The following ANKS1B variants were observed in gnomAD, a reference collection of about 807,000 sequenced individuals.
ANKS1B encodes the protein ankyrin repeat and sterile alpha motif domain-containing protein 1B.
In ANKS1B, 36 loss-of-function variants were observed where a neutral mutation model predicts 148.3. The observed-to-expected ratio is 0.24, with a 90% CI of 0.19 to 0.32. ANKS1B has a LOEUF of 0.32. Among genes scored for constraint, ANKS1B ranks in the 10% least tolerant of loss-of-function variants. ANKS1B has a pLI of 1.00. For missense variants in ANKS1B, 1,157 were observed against 1,542.6 expected, an observed-to-expected ratio of 0.75 and a Z score of 4.19; for synonymous variants, 542 against 560.8, an observed-to-expected ratio of 0.97 and a Z score of 0.47.
chr12:99,691,203 A>G (rs1415688858), intron 8 of ANKS1B, among the ~76,000 whole-genome samples: 1 of 152,196 alleles, frequency 6.6e-6, no homozygotes, highest in Non-Finnish European at 1.5e-5. Context: ...AGCCCACCCT[A>G]CAAAACCATA....
At chr12:99,954,713 T>A (rs2095287129) in intron 1 of ANKS1B, among the ~76,000 whole-genome samples, 1 of 152,122 alleles carries the variant, frequency 6.6e-6, no homozygotes, top group African/African-American at 2.4e-5. Context: ...AGAGAACACT[T>A]AGCAATGTCT....
Position 98,941,332 on chromosome 12 carries a change from G to T in ANKS1B, c.2779-109196C>A, listed in dbSNP as rs544672383. Among the ~76,000 whole-genome samples, 161 of 152,214 alleles carry T rather than the reference G, an allele frequency of 1.1e-3. 7 individuals carry two copies. The South Asian group carries it at 0.033, about 31-fold the overall frequency. On this transcript the variant is annotated intron_variant, in intron 17 of 26. Coordinates refer to ENST00000683438, the MANE Select transcript of ANKS1B (RefSeq NM_001352186.2). ...AGTGCTTCAGCTCCATGCTGCAGGC[G>T]ATTTTAAACCACAAGACCACTAACA...
chr12:99,228,088 G>C (rs1304411432), intron 14 of ANKS1B, among the ~76,000 whole-genome samples: 3 of 151,880 alleles, frequency 2.0e-5, no homozygotes, highest in Non-Finnish European at 4.4e-5. Flanking sequence ...GAAGATAAAA[G>C]TATGAGCCAT....
chr12:98,814,078 C>G (rs1297932824), intron 19 of ANKS1B, among the ~76,000 whole-genome samples: 1 of 151,194 alleles, frequency 6.6e-6, no homozygotes, highest in Non-Finnish European at 1.5e-5. Flanking sequence ...ACAGGTTTCA[C>G]CATGTTGGAC....
chr12:99,494,589 C>T (rs1374514706), intron 10 of ANKS1B, among the ~76,000 whole-genome samples: 2 of 151,676 alleles, frequency 1.3e-5, no homozygotes, highest in South Asian at 2.1e-4. Flanking sequence ...AAAAATTAGC[C>T]GGGCGTGGTG....
At chr12:99,835,553 C>T (rs1045761529) in intron 1 of ANKS1B, among the ~76,000 whole-genome samples, 29 of 152,160 alleles carry the variant, frequency 1.9e-4, no homozygotes, top group African/African-American at 6.3e-4. Context: ...ATATCAAAAA[C>T]ATTATTTCAA....
chr12:99,170,300 T>C (rs1414878031), intron 14 of ANKS1B, among the ~76,000 whole-genome samples: 4 of 152,154 alleles, frequency 2.6e-5, no homozygotes, highest in African/African-American at 9.7e-5. Context: ...TGGAGGTCGG[T>C]AGCCCAGACT....
At chr12:99,419,496 TCA>T (rs903268009) in intron 11 of ANKS1B, among the ~76,000 whole-genome samples, 33 of 152,314 alleles carry the variant, frequency 2.2e-4, no homozygotes, top group Non-Finnish European at 3.5e-4. Flanking sequence ...CTTTTTTCTC[TCA>T]GTTTCACTTT....
chr12:99,267,188 T>C (rs1353383498), intron 12 of ANKS1B, among the ~76,000 whole-genome samples: 1 of 152,192 alleles, frequency 6.6e-6, no homozygotes, highest in Non-Finnish European at 1.5e-5. Context: ...CCAGACTAGT[T>C]TGACAGGAAC....
At chr12:99,474,905 T>G (rs1177244514) in intron 10 of ANKS1B, among the ~76,000 whole-genome samples, 1 of 152,010 alleles carries the variant, frequency 6.6e-6, no homozygotes, top group Non-Finnish European at 1.5e-5. Flanking sequence ...TATTTATTTT[T>G]GTTGATTACA....
intron 14 of ANKS1B, among the ~76,000 whole-genome samples, chr12:99,192,321 C>G (rs1214265791): frequency 3.3e-5 from 5 of 151,966 alleles, no homozygotes. Flanking sequence ...CAGTTCAATA[C>G]TTTGAAATAT....
chr12:98,907,556 C>T (rs1222938708), intron 17 of ANKS1B, among the ~76,000 whole-genome samples: 2 of 152,168 alleles, frequency 1.3e-5, no homozygotes, highest in Non-Finnish European at 2.9e-5. Context: ...CACTCTCTTC[C>T]CCCAATGGTG....
chr12:99,685,131 C>G (rs928331978), intron 8 of ANKS1B, among the ~76,000 whole-genome samples: 3 of 152,110 alleles, frequency 2.0e-5, no homozygotes, highest in Admixed American at 6.6e-5. Context: ...GCAGAGTAAA[C>G]AGACAACCCA....
chr12:99,525,809 G>T (rs537849666), intron 9 of ANKS1B, among the ~76,000 whole-genome samples: 11 of 152,146 alleles, frequency 7.2e-5, no homozygotes, highest in Admixed American at 2.0e-4. Context: ...AACCAAGGTT[G>T]TACAGAAAAA....
chr12:99,478,016 A>AAAAT (rs2096353428), intron 10 of ANKS1B, among the ~76,000 whole-genome samples: 1 of 152,206 alleles, frequency 6.6e-6, no homozygotes, highest in Non-Finnish European at 1.5e-5. Context: ...TAATGTTTTT[A>AAAAT]AATATTATGC....
intron 17 of ANKS1B, among the ~76,000 whole-genome samples, chr12:98,905,075 C>G (rs2152802364): frequency 6.6e-6 from 1 of 152,286 alleles, no homozygotes. Context: ...GGATTAACAA[C>G]AACCCAGAAG....
In ANKS1B at chr12:99,698,973, G is replaced by GTGTGTGTGTGTGT. The variant is rs56223205; in HGVS notation, c.1129-43764_1129-43763insACACACACACACA. On this transcript the variant is annotated intron_variant, in intron 8 of 26. Coordinates refer to ENST00000683438, the MANE Select transcript of ANKS1B (RefSeq NM_001352186.2). ...TACTGCTGTTCTGTGTGTGTGTGTG[G>GTGTGTGTGTGTGT]GTGTGCACGCACGTGCGCAAGCACA... is the stretch of plus-strand genomic sequence containing the variant. 4.7e-3 allele frequency among the ~76,000 whole-genome samples: 559 copies of GTGTGTGTGTGTGT among 119,522 alleles called. 2 individuals carry two copies. The highest frequency in any genetic ancestry group is 0.028 in the South Asian group (106 of 3,778). 78.4% of individuals were successfully genotyped at this position (119,522 alleles called of 152,430 possible).
At chr12:99,010,511 T>G (rs2099938675) in intron 17 of ANKS1B, among the ~76,000 whole-genome samples, 1 of 152,300 alleles carries the variant, frequency 6.6e-6, no homozygotes, top group South Asian at 2.1e-4. Flanking sequence ...AGATACTGTA[T>G]ATAAAATATC....
intron 9 of ANKS1B, among the ~76,000 whole-genome samples, chr12:99,573,844 T>G (rs1224868710): frequency 6.6e-6 from 1 of 152,116 alleles, no homozygotes; most frequent in Non-Finnish European, 1.5e-5. Flanking sequence ...GTGAAGTCAA[T>G]ACGTCCACCT....
Sources: gnomAD v4.1 joint callset for allele counts (sites outside exome capture counted in the v4.1 genomes callset) on GRCh38, gnomAD v4.1.1 for gene constraint, MANE v1.5 for transcripts, NCBI Gene and HGNC (gene_info 2026-07-23, HGNC 2026-07-21) for gene names.